SMOC2: variants seen among roughly 807,000 people sequenced by gnomAD.
The protein encoded by SMOC2 is SPARC related modular calcium binding 2, also known as SPARC-related modular calcium-binding protein 2.
SMOC2 carries 39 observed loss-of-function variants against 61.4 expected under a neutral mutation model. The observed-to-expected ratio is 0.64, with a 90% CI of 0.49 to 0.83. The LOEUF (loss-of-function observed/expected upper bound fraction) is 0.83. Ranked by LOEUF, SMOC2 falls within the 40% of genes least tolerant of loss-of-function variation. The pLI, the probability that SMOC2 is intolerant of heterozygous loss-of-function variation, is 0.00. For missense variants in SMOC2, 556 were observed against 592.9 expected (o/e 0.94, Z 0.65); for synonymous variants, 247 against 239.9 (o/e 1.03, Z -0.27).
intron 1 of SMOC2, among the ~76,000 whole-genome samples, chr6:168,449,796 G>A (rs953618564): frequency 2.0e-5 from 3 of 152,182 alleles, no homozygotes; most frequent in Non-Finnish European, 2.9e-5. Context: ...AAATAAACAC[G>A]TGCTTTTCTG....
rs1166008542 is a variant in SMOC2 at position 168,612,244 on chromosome 6, C to CAAA, written c.907+4006_907+4008dup. 5.7e-4 allele frequency among the ~76,000 whole-genome samples: 80 copies of CAAA among 141,468 alleles called. 1 individual carries two copies. The highest frequency in any genetic ancestry group is 2.0e-4 in the Non-Finnish European group (13 of 64,066). The allele number at this position is 141,468 out of a possible 152,430, so 92.8% of individuals were successfully genotyped here. ...GGAGAGGGTGACTGCAGCCTTTACT[C>CAAA]AAACAGCAGCGCTGGGTTCGTGATC... is the stretch of plus-strand genomic sequence containing the variant. On this transcript the variant is annotated intron_variant, in intron 9 of 12. Coordinates refer to ENST00000356284, the MANE Select transcript of SMOC2 (RefSeq NM_001166412.2).
intron 9 of SMOC2, among the ~76,000 whole-genome samples, chr6:168,633,341 C>A (rs1156791450): frequency 6.6e-6 from 1 of 152,088 alleles, no homozygotes; most frequent in Non-Finnish European, 1.5e-5. Flanking sequence ...TGGACAAATC[C>A]CCAGAGCTCT....
intron 2 of SMOC2, among the ~76,000 whole-genome samples, chr6:168,519,006 A>T (rs923067210): frequency 2.9e-4 from 40 of 135,782 alleles, no homozygotes; most frequent in Non-Finnish European, 5.9e-4. Flanking sequence ...TGCATGTGTG[A>T]GTATGCGTGC....
At position 168,475,368 on chromosome 6, in the gene SMOC2, G is replaced by C. The variant is rs747125075; in HGVS notation, c.84+33914G>C. Among the ~76,000 whole-genome samples the C allele has an allele frequency of 3.9e-5, 6 of 152,150 alleles. No individual in the cohort carries two copies. The highest frequency in any genetic ancestry group is 8.8e-5 in the Non-Finnish European group (6 of 68,026). On this transcript the variant is annotated intron_variant, in intron 1 of 12. Coordinates refer to ENST00000356284, the MANE Select transcript of SMOC2 (RefSeq NM_001166412.2). The surrounding 1 kb of genome is among the most constrained non-coding windows in gnomAD (Gnocchi z 4.6). ...CTCATTTATTCCTGAAGCATTTGGA[G>C]AGCAGGTGCCAATGTCCCAGGCACA...
intron 7 of SMOC2, among the ~76,000 whole-genome samples, chr6:168,568,729 C>T (rs574721704): frequency 6.6e-6 from 1 of 152,184 alleles, no homozygotes; most frequent in Non-Finnish European, 1.5e-5. Context: ...TTTTTACTAT[C>T]TCCATAGTGT....
chr6:168,470,221 G>A (rs2115012570), intron 1 of SMOC2, among the ~76,000 whole-genome samples: 2 of 152,356 alleles, frequency 1.3e-5, no homozygotes, highest in Admixed American at 1.3e-4. Context: ...GTCTCAGTCT[G>A]CCAGTATCAG....
chr6:168,556,384 G>A (rs1026312472), intron 7 of SMOC2, among the ~76,000 whole-genome samples: 4 of 152,070 alleles, frequency 2.6e-5, no homozygotes, highest in African/African-American at 9.7e-5. Context: ...TGCACCCTCG[G>A]TCCCCAGCAG....
rs1306414526 is a variant in SMOC2 at position 168,441,472 on chromosome 6, G to A, written c.84+18G>A. The A allele has an allele frequency of 2.0e-6, 3 of 1,488,158 alleles. No individual in the cohort carries two copies. The highest frequency in any genetic ancestry group is 1.8e-6 in the Non-Finnish European group (2 of 1,123,014). The allele number at this position is 1,488,158 out of a possible 1,614,324, so 92.2% of individuals were successfully genotyped here. ...CGCTCACGGTAAGCCCGGGCCCGCG[G>A]GACCTGGAGCTCAAGTGGTGCCGCC... On this transcript the variant is annotated intron_variant, in intron 1 of 12. Coordinates refer to ENST00000356284, the MANE Select transcript of SMOC2 (RefSeq NM_001166412.2).
Position 168,644,434 on chromosome 6 carries a change from C to G in SMOC2, c.908-6247C>G, listed in dbSNP as rs146355415. ...ATGCAGGTGCTGTTATTGGCACCCT[C>G]TTTCTCCCTCCCCAGCCAGATGAAA... On this transcript the variant is annotated intron_variant, in intron 9 of 12. Transcript: ENST00000356284. Among the ~76,000 whole-genome samples, 349 of 152,262 alleles carry G rather than the reference C, an allele frequency of 2.3e-3. 2 individuals are homozygous for G. Among genetic ancestry groups the G allele is most frequent in the African/African-American group, 7.7e-3 (321 of 41,548 alleles).
At chr6:168,451,370 G>A (rs539975160) in intron 1 of SMOC2, among the ~76,000 whole-genome samples, 14 of 152,312 alleles carry the variant, frequency 9.2e-5, no homozygotes, top group African/African-American at 2.2e-4. Context: ...TGCCACATGC[G>A]AAGGCTATTT....
chr6:168,478,044 G>A (rs1782130070), intron 1 of SMOC2, among the ~76,000 whole-genome samples: 1 of 152,112 alleles, frequency 6.6e-6, no homozygotes, highest in Admixed American at 6.5e-5. Flanking sequence ...ATTAGTCTTT[G>A]TTGTAAGGAC....
intron 7 of SMOC2, among the ~76,000 whole-genome samples, chr6:168,568,264 TCTC>T (rs1784588334): frequency 6.6e-6 from 1 of 152,206 alleles, no homozygotes; most frequent in African/African-American, 2.4e-5. Context: ...TCTCATGTCT[TCTC>T]CTCAGGGGTG....
In SMOC2 at chr6:168,604,638, C is replaced by T. The variant is rs189924906; in HGVS notation, c.825-3519C>T. Reference sequence around the variant, plus strand: ...AAGATGTTTGTTTTCTTTAATCATCCTCTAAATTTCCTGATGGGGAAGAAA... The same window carrying T: ...AAGATGTTTGTTTTCTTTAATCATCTTCTAAATTTCCTGATGGGGAAGAAA... On this transcript the variant is annotated intron_variant, in intron 8 of 12. Coordinates refer to ENST00000356284, the MANE Select transcript of SMOC2 (RefSeq NM_001166412.2). Among the ~76,000 whole-genome samples, 30 of 152,270 alleles carry T rather than the reference C, an allele frequency of 2.0e-4. 2 individuals are homozygous for T. In the East Asian group the frequency reaches 5.4e-3, roughly 27 times the overall value.
chr6:168,577,242 CTCT>C (rs754787270), intron 7 of SMOC2, among the ~76,000 whole-genome samples: 39 of 152,168 alleles, frequency 2.6e-4, no homozygotes, highest in Non-Finnish European at 4.9e-4. Context: ...AACACGCACT[CTCT>C]TCTTATCTCT....
chr6:168,556,003 C>G (rs2115115797), intron 7 of SMOC2, among the ~76,000 whole-genome samples: 1 of 152,320 alleles, frequency 6.6e-6, no homozygotes, highest in East Asian at 1.9e-4. Context: ...CTGAGCGACA[C>G]CATCCTCGCC....
At chr6:168,464,281 TGGAAGGAAGGAAGGAC>T (rs1475155413) in intron 1 of SMOC2, among the ~76,000 whole-genome samples, 5 of 146,932 alleles carry the variant, frequency 3.4e-5, no homozygotes, top group East Asian at 2.0e-4. Flanking sequence ...GAAGGAAGGA[TGGAAGGAAGGAAGGAC>T]GGACGGAAGG....
chr6:168,535,559 T>A lies in SMOC2; in HGVS notation c.463+7832T>A, dbSNP rs955621611. Among the ~76,000 whole-genome samples the A allele has an allele frequency of 2.6e-5, 4 of 152,156 alleles. No homozygotes were observed. Among genetic ancestry groups the A allele is most frequent in the African/African-American group, 7.2e-5 (3 of 41,420 alleles). ...TGCACCTCAAATCAGGAATCCCAACTGTTTAAAGGCAGAATCACTAGGATA... is the reference window on the plus strand; with the variant it reads ...TGCACCTCAAATCAGGAATCCCAACAGTTTAAAGGCAGAATCACTAGGATA... On this transcript the variant is annotated intron_variant, in intron 4 of 12. Coordinates refer to ENST00000356284, the MANE Select transcript of SMOC2 (RefSeq NM_001166412.2). The surrounding 1 kb of genome is among the most constrained non-coding windows in gnomAD (Gnocchi z 4.6).
intron 1 of SMOC2, among the ~76,000 whole-genome samples, chr6:168,471,370 T>A (rs1360615129): frequency 6.6e-6 from 1 of 152,120 alleles, no homozygotes; most frequent in Non-Finnish European, 1.5e-5. Context: ...TTACTTCACC[T>A]GGCATAATGG....
intron 10 of SMOC2, among the ~76,000 whole-genome samples, chr6:168,652,556 T>G (rs1034069219): frequency 6.6e-6 from 1 of 152,224 alleles, no homozygotes; most frequent in Admixed American, 6.5e-5. Context: ...TCATCTGATA[T>G]TCCTATGACA....
Sources: allele counts gnomAD v4.1 joint callset (sites outside exome capture counted in the v4.1 genomes callset), GRCh38; gene constraint gnomAD v4.1.1; non-coding constraint Gnocchi (gnomAD v3.1); transcripts MANE v1.5; gene names NCBI Gene and HGNC (gene_info 2026-07-23, HGNC 2026-07-21).